Variants in GRK7 observed in about 807,000 individuals in gnomAD.
GRK7 encodes G protein-coupled receptor kinase 7.
A neutral mutation model predicts 34.1 loss-of-function variants in GRK7; 24 were observed. The observed-to-expected ratio is 0.70, with a 90% confidence interval of 0.51 to 0.99. GRK7 has a LOEUF of 0.99. Ranked by LOEUF, GRK7 falls within the 50% of genes least tolerant of loss-of-function variation. The probability of loss-of-function intolerance (pLI) is 0.00; values close to 1 mark genes in which losing one functional copy is unlikely to be tolerated. For missense variants in GRK7, 644 were observed against 707.3 expected, an observed-to-expected ratio of 0.91 and a Z score of 1.02; for synonymous variants, 256 against 279.4, an observed-to-expected ratio of 0.92 and a Z score of 0.84.
At chr3:141,787,937 G>A (rs2084704655) in intron 4 of GRK7, among the ~76,000 whole-genome samples, 1 of 151,992 alleles carries the variant, frequency 6.6e-6, no homozygotes, top group Non-Finnish European at 1.5e-5. Context: ...TTGAGCCTGG[G>A]AGTTTGAGGC....
intron 1 of GRK7, among the ~76,000 whole-genome samples, chr3:141,774,155 G>A (rs1040193719): frequency 3.3e-5 from 5 of 152,144 alleles, no homozygotes; most frequent in South Asian, 2.1e-4. Flanking sequence ...TGTTCCAGCC[G>A]GGCATGGTAG....
chr3:141,755,705 G>A, the GRK7 span, among the ~76,000 whole-genome samples: 1 of 151,884 alleles, frequency 6.6e-6, no homozygotes, highest in African/African-American at 2.4e-5. Context: ...AACATGTAGA[G>A]GAATTGGAAC....
chr3:141,754,432 C>CTTTTTT, the GRK7 span, among the ~76,000 whole-genome samples: 3 of 119,604 alleles, frequency 2.5e-5, no homozygotes, highest in Admixed American at 8.9e-5. Flanking sequence ...TCACCACTGT[C>CTTTTTT]TTTTTTTTTT....
intron 1 of GRK7, among the ~76,000 whole-genome samples, 29 bp downstream of exon 1, chr3:141,765,767 A>G (rs2084578031): frequency 1.3e-5 from 2 of 152,140 alleles, no homozygotes; most frequent in Admixed American, 1.3e-4. Flanking sequence ...TGCCCAATCA[A>G]AGCAAATCTG....
At chr3:141,791,171 A>G (rs2084722279) in intron 4 of GRK7, among the ~76,000 whole-genome samples, 2 of 152,190 alleles carry the variant, frequency 1.3e-5, no homozygotes, top group African/African-American at 4.8e-5. Flanking sequence ...GAAGTCTCTG[A>G]CCAACTCCTC....
chr3:141,768,876 C>T (rs2084602937), intron 1 of GRK7, among the ~76,000 whole-genome samples: 1 of 152,148 alleles, frequency 6.6e-6, no homozygotes, highest in African/African-American at 2.4e-5. Flanking sequence ...ACCACACTTT[C>T]CTGCTTCTCT....
At chr3:141,789,026 G>A (rs187132562) in intron 4 of GRK7, among the ~76,000 whole-genome samples, 39 of 152,254 alleles carry the variant, frequency 2.6e-4, no homozygotes, top group African/African-American at 9.4e-4. Flanking sequence ...TGTTGGCCAA[G>A]CTAGTCTTGA....
At chr3:141,804,026 T>C (rs1710998602) in intron 4 of GRK7, among the ~76,000 whole-genome samples, 1 of 152,224 alleles carries the variant, frequency 6.6e-6, no homozygotes, top group Non-Finnish European at 1.5e-5. Context: ...CATTCCTTTC[T>C]ATGGCCAAAT....
At position 141,819,211 on chromosome 3, in the gene GRK7, CA is replaced by C. The variant is rs1711184506; in HGVS notation, c.*2163del. Among the ~76,000 whole-genome samples, 1 of 152,098 alleles carries C rather than the reference CA, an allele frequency of 6.6e-6. No individual in the cohort carries two copies. The highest frequency in any genetic ancestry group is 2.4e-5 in the African/African-American group (1 of 41,430). On this transcript the variant is annotated 3_prime_UTR_variant, in exon 6 of 6. Coordinates refer to ENST00000682958, the MANE Select transcript of GRK7 (RefSeq NM_139209.3). ...TTTATAGACGTTAGACATTTAAAAA[CA>C]ACATTGGTTATTTGTTGATTATGCC... is the stretch of plus-strand genomic sequence containing the variant.
chr3:141,813,510 A>G (rs1233520544), intron 5 of GRK7, among the ~76,000 whole-genome samples: 1 of 152,198 alleles, frequency 6.6e-6, no homozygotes, highest in Non-Finnish European at 1.5e-5. Context: ...CCACACAGAC[A>G]CTGGGGCAGT....
chr3:141,805,542 T>C (rs556520219), intron 4 of GRK7, among the ~76,000 whole-genome samples: 2 of 152,274 alleles, frequency 1.3e-5, no homozygotes, highest in South Asian at 2.1e-4. Flanking sequence ...CCGGAACATA[T>C]GGTCACCCAA....
rs1577930481 is a variant in GRK7 at position 141,816,647 on chromosome 3, T to C, written c.1326-67T>C. ...AGAAAAGAATGCTACACACTTTGTA[T>C]TGTTAGAACATGTCCCATTTTGTTT... On this transcript the variant is annotated intron_variant, in intron 5 of 5. Coordinates refer to ENST00000682958, the MANE Select transcript of GRK7 (RefSeq NM_139209.3). 9 of 845,424 alleles carry C rather than the reference T, an allele frequency of 1.1e-5. No individual in the cohort carries two copies. In the South Asian group the frequency reaches 1.4e-4, roughly 13 times the overall value. 52.4% of individuals were successfully genotyped at this position (845,424 alleles called of 1,614,324 possible). A position where few individuals can be genotyped will look rare whatever the true frequency, so the allele number is the denominator to read the frequency against.
intron 4 of GRK7, among the ~76,000 whole-genome samples, chr3:141,798,064 G>A (rs1577922045): frequency 6.6e-6 from 1 of 152,220 alleles, no homozygotes; most frequent in Non-Finnish European, 1.5e-5. Context: ...TGCCAGTTCG[G>A]TTCAGAGTGA....
chr3:141,753,450 A>T, the GRK7 span, among the ~76,000 whole-genome samples: 1 of 152,354 alleles, frequency 6.6e-6, no homozygotes, highest in Middle Eastern at 3.4e-3. Context: ...TTTTGGGATG[A>T]AACTGTTCCA....
intron 4 of GRK7, among the ~76,000 whole-genome samples, chr3:141,787,637 A>AAT (rs2084703222): frequency 6.6e-6 from 1 of 151,226 alleles, no homozygotes; most frequent in African/African-American, 2.4e-5. Flanking sequence ...AAAAAAAAAA[A>AAT]AAAAATTAAT....
intron 5 of GRK7, among the ~76,000 whole-genome samples, chr3:141,813,614 A>G (rs556522170): frequency 9.9e-5 from 15 of 152,236 alleles, no homozygotes; most frequent in Admixed American, 8.5e-4. Context: ...GCACCTTTTG[A>G]TCCAGGTCTC....
rs1226886036 is a variant in GRK7 at position 141,804,770 on chromosome 3, TACAC to T, written c.1051-2871_1051-2868del. 1.2e-4 allele frequency among the ~76,000 whole-genome samples: 17 copies of T among 147,416 alleles called. No homozygotes were observed. In the East Asian group the frequency reaches 3.0e-3, roughly 26 times the overall value. On this transcript the variant is annotated intron_variant, in intron 4 of 5. Coordinates refer to ENST00000682958, the MANE Select transcript of GRK7 (RefSeq NM_139209.3). ...ACATATGCACACTCACATGCACACA[TACAC>T]ACATGCTCACATACACGCACACATA...
At chr3:141,804,681 A>T (rs1158984606) in intron 4 of GRK7, among the ~76,000 whole-genome samples, 2 of 151,656 alleles carry the variant, frequency 1.3e-5, no homozygotes. Context: ...ACAGATACAC[A>T]CATACACACA....
chr3:141,771,201 ATGTGTGTGTGCACG>A (rs2084615330), intron 1 of GRK7, among the ~76,000 whole-genome samples: 1 of 151,836 alleles, frequency 6.6e-6, no homozygotes, highest in African/African-American at 2.4e-5. Flanking sequence ...AAGAAAATGT[ATGTGTGTGTGCACG>A]TGTGTGTGTG....
Sources: gnomAD v4.1 joint callset for allele counts (sites outside exome capture counted in the v4.1 genomes callset) on GRCh38, gnomAD v4.1.1 for gene constraint, MANE v1.5 for transcripts, NCBI Gene and HGNC (gene_info 2026-07-23, HGNC 2026-07-21) for gene names.